Variants in RARB observed in about 807,000 individuals in gnomAD.
The protein encoded by RARB is HBV-activated protein.
RARB carries 17 observed loss-of-function variants against 51.9 expected under a neutral mutation model. The ratio of observed to expected loss-of-function variants is 0.33; its 90% CI spans 0.22 to 0.49. The LOEUF (loss-of-function observed/expected upper bound fraction) is 0.49. RARB is among the 20% of genes least tolerant of loss of function. RARB has a pLI of 0.99. For synonymous variants in RARB, 215 were observed against 195.4 expected (o/e 1.10, Z -0.84); for missense variants, 369 against 550.8 (o/e 0.67, Z 3.30).
intron 3 of RARB, among the ~76,000 whole-genome samples, chr3:25,066,945 G>C (rs2125306479): frequency 6.6e-6 from 1 of 152,176 alleles, no homozygotes; most frequent in East Asian, 1.9e-4. Flanking sequence ...GAGTGGTACT[G>C]GGCATTTCTC....
At chr3:24,914,895 T>C (rs569938739) in intron 2 of RARB, among the ~76,000 whole-genome samples, 1 of 152,336 alleles carries the variant, frequency 6.6e-6, no homozygotes, top group Non-Finnish European at 1.5e-5. Flanking sequence ...GCACTATAAA[T>C]GTACCTCACT....
intron 2 of RARB, among the ~76,000 whole-genome samples, chr3:24,928,677 T>G (rs1695375712): frequency 6.6e-6 from 1 of 152,034 alleles, no homozygotes; most frequent in South Asian, 2.1e-4. Flanking sequence ...TTTACAGTAG[T>G]GAAGTAAGGC....
At chr3:25,523,735 A>G (rs976937661) in intron 3 of RARB, among the ~76,000 whole-genome samples, 9 of 152,108 alleles carry the variant, frequency 5.9e-5, no homozygotes, top group East Asian at 5.8e-4. Context: ...CTTTCTTCTT[A>G]TTTTCCTATT....
intron 2 of RARB, among the ~76,000 whole-genome samples, chr3:24,986,895 T>C (rs1378394985): frequency 6.6e-6 from 1 of 152,172 alleles, no homozygotes; most frequent in Non-Finnish European, 1.5e-5. Context: ...AGTGGGGTGC[T>C]ATGCTTCAGC....
At chr3:25,207,497 T>C (rs1211219067) in intron 5 of RARB, among the ~76,000 whole-genome samples, 2 of 152,232 alleles carry the variant, frequency 1.3e-5, no homozygotes, top group Non-Finnish European at 1.5e-5. Flanking sequence ...ACAGGTTATA[T>C]ATAAAAATTG....
intron 5 of RARB, among the ~76,000 whole-genome samples, chr3:25,184,636 G>A (rs1326484592): frequency 6.6e-6 from 1 of 152,074 alleles, no homozygotes; most frequent in Non-Finnish European, 1.5e-5. Flanking sequence ...CATTTTCTCT[G>A]TAAAATAAGG....
intron 5 of RARB, among the ~76,000 whole-genome samples, chr3:25,253,988 G>C (rs1410647463): frequency 6.6e-6 from 1 of 152,194 alleles, no homozygotes; most frequent in East Asian, 1.9e-4. Flanking sequence ...CATGCATAAG[G>C]GGTTCATATA....
intron 1 of RARB, among the ~76,000 whole-genome samples, chr3:24,831,057 C>T (rs1371657051): frequency 6.6e-6 from 1 of 152,126 alleles, no homozygotes; most frequent in African/African-American, 2.4e-5. Flanking sequence ...TCCTTTGACA[C>T]ATCTTTGCAG....
intron 5 of RARB, among the ~76,000 whole-genome samples, chr3:25,297,737 A>T (rs1052553028): frequency 2.0e-5 from 3 of 152,104 alleles, no homozygotes; most frequent in African/African-American, 7.2e-5. Context: ...TCCCCAGTCT[A>T]GTCTCATGCA....
At chr3:25,500,709 C>A (rs1697270169) in intron 2 of RARB, among the ~76,000 whole-genome samples, 1 of 151,894 alleles carries the variant, frequency 6.6e-6, no homozygotes, top group Admixed American at 6.6e-5. Flanking sequence ...AAACTCCTTA[C>A]CTCAAATGAT....
chr3:25,086,531 G>A (rs1425723555), intron 3 of RARB, among the ~76,000 whole-genome samples: 1 of 152,170 alleles, frequency 6.6e-6, no homozygotes, highest in Non-Finnish European at 1.5e-5. Context: ...CCAAATATGA[G>A]TGACCGTGGC....
rs150917068 is a variant in RARB at position 25,258,160 on chromosome 3, C to T, written c.178+83585C>T. ...GAAAGGATTGGGGCATCAGATTGAA[C>T]TTAGGACTGAGGAACCTCTGAGGTT... is the stretch of plus-strand genomic sequence containing the variant. On this transcript the variant is annotated intron_variant, in intron 5 of 11. Coordinates refer to the RARB transcript ENST00000383772. Among the ~76,000 whole-genome samples the T allele has an allele frequency of 2.5e-3, 376 of 152,218 alleles. 2 individuals are homozygous for T. The highest frequency in any genetic ancestry group is 8.3e-3 in the African/African-American group (343 of 41,558).
Position 24,903,269 on chromosome 3 carries a change from T to C in RARB, c.-380+44517T>C, listed in dbSNP as rs528486300. Among the ~76,000 whole-genome samples the C allele has an allele frequency of 7.6e-4, 116 of 152,064 alleles. 1 individual carries two copies. In the South Asian group the frequency reaches 0.017, roughly 22 times the overall value. On this transcript the variant is annotated intron_variant, in intron 2 of 11. Transcript: ENST00000383772. ...TTGGTACAGAAATAGGAAATAATAATCATAAAAATATGACATTAAGACAAA... is the reference window on the plus strand; with the variant it reads ...TTGGTACAGAAATAGGAAATAATAACCATAAAAATATGACATTAAGACAAA...
rs554365520 is a variant in RARB, at chr3:24,890,436, G to A, written c.-380+31684G>A. Among the ~76,000 whole-genome samples the A allele has an allele frequency of 9.2e-5, 14 of 152,228 alleles. No individual in the cohort carries two copies. The South Asian group carries it at 1.2e-3, about 14-fold the overall frequency. On this transcript the variant is annotated intron_variant, in intron 2 of 11. Coordinates refer to the RARB transcript ENST00000383772. ...TTCTGAGAGTTTGGACTTATTTCACGAGCGGCACCGTGAAGACGTATGACT... is the reference window on the plus strand; with the variant it reads ...TTCTGAGAGTTTGGACTTATTTCACAAGCGGCACCGTGAAGACGTATGACT...
chr3:25,089,447 C>A (rs1699159138), intron 3 of RARB, among the ~76,000 whole-genome samples: 1 of 150,990 alleles, frequency 6.6e-6, no homozygotes, highest in Non-Finnish European at 1.5e-5. Flanking sequence ...CAAATAAAAC[C>A]AAAGAGAGTT....
chr3:25,425,446 A>G (rs1402111423), upstream of RARB, among the ~76,000 whole-genome samples: 6 of 152,358 alleles, frequency 3.9e-5, no homozygotes, highest in East Asian at 1.2e-3. Context: ...TGGATTAAGT[A>G]ATAGCTCTAA....
At chr3:25,133,188 A>G (rs1699979675) in intron 4 of RARB, among the ~76,000 whole-genome samples, 1 of 151,990 alleles carries the variant, frequency 6.6e-6, no homozygotes, top group Admixed American at 6.6e-5. Flanking sequence ...ATTTATTAAG[A>G]TGTTCGTAAA....
chr3:25,022,248 A>C (rs1029183600), intron 2 of RARB, among the ~76,000 whole-genome samples: 3 of 152,186 alleles, frequency 2.0e-5, no homozygotes, highest in African/African-American at 7.2e-5. Flanking sequence ...CACCCTTGTC[A>C]TTACTCACCC....
At chr3:25,264,111 A>ATTT (rs1197541264) in intron 5 of RARB, among the ~76,000 whole-genome samples, 4 of 10,028 alleles carry the variant, frequency 4.0e-4, no homozygotes, top group African/African-American at 7.4e-4. Context: ...GGCATTGTTG[A>ATTT]TTTTTTTTTT....
Sources: allele counts gnomAD v4.1 joint callset (sites outside exome capture counted in the v4.1 genomes callset), GRCh38; gene constraint gnomAD v4.1.1; transcripts MANE v1.5; gene names NCBI Gene and HGNC (gene_info 2026-07-23, HGNC 2026-07-21).